The following PPARGC1A variants were observed in gnomAD, a reference collection of about 807,000 sequenced individuals.
PPARGC1A encodes the protein PPARG coactivator 1 alpha.
A neutral mutation model predicts 88.7 loss-of-function variants in PPARGC1A; 25 were observed. That is an observed-to-expected ratio of 0.28 (90% CI 0.21 to 0.39). PPARGC1A has a LOEUF of 0.39. Ranked by LOEUF, PPARGC1A falls within the 10% of genes least tolerant of loss-of-function variation. PPARGC1A has a pLI of 1.00. For missense variants in PPARGC1A, 880 were observed against 968.7 expected (o/e 0.91, Z 1.22); for synonymous variants, 363 against 355.6 (o/e 1.02, Z -0.24).
the PPARGC1A span, among the ~76,000 whole-genome samples, chr4:24,086,828 G>A: frequency 6.6e-6 from 1 of 152,184 alleles, no homozygotes; most frequent in South Asian, 2.1e-4. Context: ...TTTCAAGAAT[G>A]TGATTCATTT....
chr4:23,974,265 C>T, the PPARGC1A span, among the ~76,000 whole-genome samples: 1 of 152,102 alleles, frequency 6.6e-6, no homozygotes, highest in Non-Finnish European at 1.5e-5. Flanking sequence ...GTTATATACA[C>T]GCAGAGCAGA....
the PPARGC1A span, among the ~76,000 whole-genome samples, chr4:24,281,402 G>T: frequency 6.6e-6 from 1 of 151,994 alleles, no homozygotes; most frequent in Non-Finnish European, 1.5e-5. Context: ...CATGTGTAGA[G>T]ATCACACAGT....
chr4:23,800,396 C>A (rs760897793), intron 12 of PPARGC1A, among the ~76,000 whole-genome samples: 7 of 151,838 alleles, frequency 4.6e-5, no homozygotes, highest in African/African-American at 7.3e-5. Flanking sequence ...TTAAGATGTC[C>A]ATTTTAGCAT....
At chr4:24,328,324 T>C in the PPARGC1A span, among the ~76,000 whole-genome samples, 1 of 150,146 alleles carries the variant, frequency 6.7e-6, no homozygotes, top group Admixed American at 6.6e-5. Context: ...ATTTGGGCTT[T>C]TGGAGAGCAT....
chr4:23,846,280 C>A (rs1440838481), intron 2 of PPARGC1A, among the ~76,000 whole-genome samples: 4 of 152,308 alleles, frequency 2.6e-5, no homozygotes, highest in African/African-American at 7.2e-5. Flanking sequence ...ACTCTTCCAA[C>A]AGTATGATGT....
chr4:23,901,214 T>C (rs1291916458), upstream of PPARGC1A, among the ~76,000 whole-genome samples: 5 of 151,488 alleles, frequency 3.3e-5, no homozygotes, highest in Admixed American at 6.6e-5. Flanking sequence ...AAAAGAAATA[T>C]AAAAAATTAG....
chr4:23,821,524 T>C (rs1254462416), intron 7 of PPARGC1A, among the ~76,000 whole-genome samples: 1 of 151,924 alleles, frequency 6.6e-6, no homozygotes, highest in Non-Finnish European at 1.5e-5. Flanking sequence ...ATATATGAGA[T>C]TGCCAAAGAG....
the PPARGC1A span, among the ~76,000 whole-genome samples, chr4:24,452,910 C>T: frequency 6.6e-6 from 1 of 152,190 alleles, no homozygotes; most frequent in South Asian, 2.1e-4. Flanking sequence ...ACTGGCTGAA[C>T]TGTGTTCCTC....
chr4:23,910,380 A>AT, the PPARGC1A span, among the ~76,000 whole-genome samples: 495 of 107,140 alleles, frequency 4.6e-3, 23 homozygotes, highest in East Asian at 0.08. Flanking sequence ...ATTATATTAT[A>AT]TATATTATAT....
chr4:24,405,929 CCTT>C, the PPARGC1A span, among the ~76,000 whole-genome samples: 3 of 151,846 alleles, frequency 2.0e-5, no homozygotes, highest in Non-Finnish European at 2.9e-5. Context: ...CTCCTTCTTG[CCTT>C]CTTTTCTTCC....
the PPARGC1A span, among the ~76,000 whole-genome samples, chr4:23,978,808 C>G: frequency 6.6e-6 from 1 of 152,120 alleles, no homozygotes; most frequent in Non-Finnish European, 1.5e-5. Context: ...ACATCATGTC[C>G]AAGAAGCTGC....
the PPARGC1A span, among the ~76,000 whole-genome samples, chr4:23,992,850 C>A: frequency 3.9e-5 from 6 of 152,094 alleles, no homozygotes; most frequent in African/African-American, 1.4e-4. Context: ...CCAAATCTTT[C>A]AACATTTGAA....
the PPARGC1A span, among the ~76,000 whole-genome samples, chr4:24,151,381 G>A: frequency 6.6e-6 from 1 of 152,126 alleles, no homozygotes; most frequent in Non-Finnish European, 1.5e-5. Flanking sequence ...AAGAGAGAAA[G>A]GGCTCTGTTC....
At position 23,801,779 on chromosome 4, in the gene PPARGC1A, C is replaced by T. The variant is rs1373110607; in HGVS notation, c.2244G>A (p.Leu748=). The T allele has an allele frequency of 6.2e-7, 1 of 1,613,998 alleles. No individual in the cohort carries two copies. Among genetic ancestry groups the T allele is most frequent in the Non-Finnish European group, 8.5e-7 (1 of 1,179,956 alleles). The stretch of plus-strand genomic sequence containing the variant: ...AAAATTGCTTGCGTCCACAAAAGTA[C>T]AGCTCAAAGTCAGTTTCGTTTGACC... ...LRRSNETDFE[L]YFCGRKQFFK... The change falls in exon 12 of 13, where the codon CTG becomes CTA. Residue 748 remains leucine, a synonymous_variant. Transcript: ENST00000264867.
the PPARGC1A span, among the ~76,000 whole-genome samples, chr4:24,264,844 G>A: frequency 6.6e-6 from 1 of 152,156 alleles, no homozygotes; most frequent in Admixed American, 6.5e-5. Flanking sequence ...GTGGCCAAAT[G>A]GATCTGGGGA....
At chr4:23,976,296 AGAG>A in the PPARGC1A span, among the ~76,000 whole-genome samples, 1 of 152,216 alleles carries the variant, frequency 6.6e-6, no homozygotes, top group African/African-American at 2.4e-5. Context: ...GGGACCCTGA[AGAG>A]GAGTAGAGCT....
At chr4:24,208,270 C>A in the PPARGC1A span, among the ~76,000 whole-genome samples, 1 of 151,454 alleles carries the variant, frequency 6.6e-6, no homozygotes, top group Non-Finnish European at 1.5e-5. Flanking sequence ...GTGACAGAGA[C>A]CCTGTCTCAA....
the PPARGC1A span, among the ~76,000 whole-genome samples, chr4:24,412,728 C>G: frequency 6.6e-6 from 1 of 152,210 alleles, no homozygotes; most frequent in Non-Finnish European, 1.5e-5. Flanking sequence ...GATCCACCAG[C>G]CTTGGCCTCC....
intron 10 of PPARGC1A, among the ~76,000 whole-genome samples, chr4:23,803,126 A>G (rs560407083): frequency 6.6e-6 from 1 of 152,330 alleles, no homozygotes; most frequent in Non-Finnish European, 1.5e-5. Flanking sequence ...CGTCCTCAAA[A>G]GAGTGGTTCT....
Sources: allele counts gnomAD v4.1 joint callset (sites outside exome capture counted in the v4.1 genomes callset), GRCh38; gene constraint gnomAD v4.1.1; transcripts MANE v1.5; gene names NCBI Gene and HGNC (gene_info 2026-07-23, HGNC 2026-07-21).